Variants in MACROD2 observed in about 807,000 individuals in gnomAD.
MACROD2 encodes the protein mono-ADP ribosylhydrolase 2.
A neutral mutation model predicts 70.4 loss-of-function variants in MACROD2; 36 were observed. That is an observed-to-expected ratio of 0.51 (90% CI 0.39 to 0.68). MACROD2 has a LOEUF of 0.68. Among genes scored for constraint, MACROD2 ranks in the 30% least tolerant of loss-of-function variants. The pLI is 0.00. For synonymous variants in MACROD2, 172 were observed against 178.8 expected (o/e 0.96, Z 0.30); for missense variants, 496 against 538.4 (o/e 0.92, Z 0.78).
At chr20:15,022,275 C>T (rs2075193716) in intron 5 of MACROD2, among the ~76,000 whole-genome samples, 1 of 152,124 alleles carries the variant, frequency 6.6e-6, no homozygotes, top group Non-Finnish European at 1.5e-5. Context: ...CCTATAATTG[C>T]AGGGTTCCTA....
At chr20:15,909,837 G>T (rs1007695307) in intron 10 of MACROD2, among the ~76,000 whole-genome samples, 1 of 152,020 alleles carries the variant, frequency 6.6e-6, no homozygotes, top group Non-Finnish European at 1.5e-5. Flanking sequence ...TACAATTTTT[G>T]AGACCTTGTG....
At chr20:14,509,737 T>G (rs1331625015) in intron 4 of MACROD2, among the ~76,000 whole-genome samples, 1 of 151,980 alleles carries the variant, frequency 6.6e-6, no homozygotes, top group Non-Finnish European at 1.5e-5. Flanking sequence ...TGGCACATTA[T>G]AAATAGTAAA....
At chr20:15,551,617 G>T (rs939708767) in intron 8 of MACROD2, among the ~76,000 whole-genome samples, 1 of 151,956 alleles carries the variant, frequency 6.6e-6, no homozygotes, top group Admixed American at 6.6e-5. Context: ...GGTGGCTCAC[G>T]CCTGTAATCT....
chr20:15,432,877 T>G (rs2146360147), intron 7 of MACROD2, among the ~76,000 whole-genome samples: 1 of 151,984 alleles, frequency 6.6e-6, no homozygotes, highest in South Asian at 2.1e-4. Flanking sequence ...TATGGTATAC[T>G]ATAAGTAGGG....
At chr20:14,568,136 G>A (rs1447844717) in intron 4 of MACROD2, among the ~76,000 whole-genome samples, 3 of 151,988 alleles carry the variant, frequency 2.0e-5, no homozygotes, top group African/African-American at 4.8e-5. Context: ...GCATACTTTT[G>A]TGTTACCTTT....
At chr20:15,385,737 T>C (rs966671262) in intron 6 of MACROD2, among the ~76,000 whole-genome samples, 1 of 152,168 alleles carries the variant, frequency 6.6e-6, no homozygotes, top group Admixed American at 6.5e-5. Flanking sequence ...AGAAATCCAC[T>C]CTTACTTAAA....
chr20:14,722,728 G>C (rs1245998100), intron 5 of MACROD2, among the ~76,000 whole-genome samples: 1 of 151,912 alleles, frequency 6.6e-6, no homozygotes, highest in African/African-American at 2.4e-5. Context: ...CACCTATATT[G>C]GTTCCCAAAT....
intron 3 of MACROD2, among the ~76,000 whole-genome samples, chr20:14,271,377 C>T (rs1327663713): frequency 2.6e-5 from 4 of 152,214 alleles, no homozygotes; most frequent in African/African-American, 9.6e-5. Context: ...GATACCCAGA[C>T]AAACAGGGTC....
chr20:14,465,735 A>T (rs923275431), intron 3 of MACROD2, among the ~76,000 whole-genome samples: 6 of 152,088 alleles, frequency 3.9e-5, no homozygotes, highest in African/African-American at 7.3e-5. Flanking sequence ...CCTAGTGGTG[A>T]CAAAATCTCT....
At chr20:14,492,085 T>TA (rs1365834234) in intron 3 of MACROD2, among the ~76,000 whole-genome samples, 1 of 152,198 alleles carries the variant, frequency 6.6e-6, no homozygotes, top group African/African-American at 2.4e-5. Flanking sequence ...TTCAATAAGT[T>TA]ACCACTTCAA....
intron 7 of MACROD2, among the ~76,000 whole-genome samples, chr20:15,490,229 C>G (rs927686893): frequency 1.5e-4 from 15 of 100,638 alleles, no homozygotes; most frequent in African/African-American, 4.8e-4. Flanking sequence ...TCCTCCCTTC[C>G]TTCCTCCCTT....
At chr20:14,648,526 G>A (rs971206930) in intron 4 of MACROD2, among the ~76,000 whole-genome samples, 5 of 152,058 alleles carry the variant, frequency 3.3e-5, no homozygotes, top group Non-Finnish European at 5.9e-5. Context: ...ACAGAAACTA[G>A]CAGTCCAATG....
intron 5 of MACROD2, among the ~76,000 whole-genome samples, chr20:14,885,478 G>C (rs561026504): frequency 2.6e-5 from 4 of 152,162 alleles, no homozygotes; most frequent in East Asian, 3.9e-4. Context: ...CAGTCTCTCT[G>C]CCTCCAGCCT....
At chr20:15,003,211 A>T (rs1295847095) in intron 5 of MACROD2, among the ~76,000 whole-genome samples, 1 of 152,190 alleles carries the variant, frequency 6.6e-6, no homozygotes, top group African/African-American at 2.4e-5. Flanking sequence ...TTTTTGGCAT[A>T]ATCCTATGAA....
chr20:14,154,552 A>ATTTTTTTTTTTTTTTTT (rs869299523), intron 3 of MACROD2, among the ~76,000 whole-genome samples: 1 of 106,652 alleles, frequency 9.4e-6, no homozygotes, highest in Non-Finnish European at 1.9e-5. Context: ...CGCCCGGCTA[A>ATTTTTTTTTTTTTTTTT]TTTTTTTTTT....
intron 1 of MACROD2, among the ~76,000 whole-genome samples, chr20:14,001,563 C>T (rs1269314816): frequency 6.6e-6 from 1 of 150,974 alleles, no homozygotes; most frequent in Non-Finnish European, 1.5e-5. Flanking sequence ...TTAGACTGTT[C>T]TTGCAGTTGC....
At chr20:15,249,158 G>A (rs1229720569) in intron 6 of MACROD2, among the ~76,000 whole-genome samples, 3 of 152,134 alleles carry the variant, frequency 2.0e-5, no homozygotes, top group Admixed American at 1.3e-4. Flanking sequence ...CTCCTTGTTC[G>A]AGATCTCCCT....
intron 4 of MACROD2, among the ~76,000 whole-genome samples, chr20:14,494,892 G>A (rs2084836486): frequency 6.6e-6 from 1 of 152,032 alleles, no homozygotes; most frequent in South Asian, 2.1e-4. Flanking sequence ...AAGAAAACAT[G>A]ATTAAGTTAA....
chr20:14,999,837 C>T (rs1317452798), intron 5 of MACROD2, among the ~76,000 whole-genome samples: 2 of 152,098 alleles, frequency 1.3e-5, no homozygotes, highest in African/African-American at 4.8e-5. Context: ...CACAAAATAG[C>T]AATGCAAAGG....
Sources: allele counts gnomAD v4.1 joint callset (sites outside exome capture counted in the v4.1 genomes callset), GRCh38; gene constraint gnomAD v4.1.1; transcripts MANE v1.5; gene names NCBI Gene and HGNC (gene_info 2026-07-23, HGNC 2026-07-21).